CDH18: variants seen among roughly 807,000 people sequenced by gnomAD.
The protein encoded by CDH18 is cadherin-18.
CDH18 carries 31 observed loss-of-function variants against 67.9 expected under a neutral mutation model. The ratio of observed to expected loss-of-function variants is 0.46; its 90% CI spans 0.34 to 0.62. The LOEUF is 0.62. CDH18 is among the 20% of genes least tolerant of loss of function. CDH18 has a pLI of 0.01. For missense variants in CDH18, 890 were observed against 975.5 expected (o/e 0.91, Z 1.17); for synonymous variants, 362 against 347.2 (o/e 1.04, Z -0.48).
chr5:19,680,840 G>A (rs1464501632), intron 5 of CDH18, among the ~76,000 whole-genome samples: 4 of 151,834 alleles, frequency 2.6e-5, no homozygotes, highest in South Asian at 4.1e-4. Flanking sequence ...TGGCCATTGC[G>A]GAAAGCAATT....
chr5:19,966,736 A>G (rs182948126), intron 2 of CDH18, among the ~76,000 whole-genome samples: 1 of 152,166 alleles, frequency 6.6e-6, no homozygotes, highest in Admixed American at 6.5e-5. Context: ...AGAGTTATAT[A>G]TGCGTGCTTA....
intron 1 of CDH18, among the ~76,000 whole-genome samples, chr5:20,556,705 C>T (rs1757925764): frequency 6.6e-6 from 1 of 152,136 alleles, no homozygotes; most frequent in Admixed American, 6.6e-5. Flanking sequence ...CCCTTCCATC[C>T]AGCCCTTTGG....
intron 5 of CDH18, among the ~76,000 whole-genome samples, chr5:19,708,876 C>T (rs1764308072): frequency 6.6e-6 from 1 of 152,080 alleles, no homozygotes; most frequent in Non-Finnish European, 1.5e-5. Context: ...CTGTATATTT[C>T]AGTGTGTGTG....
chr5:20,505,575 A>G lies in CDH18; in HGVS notation c.-580+69887T>C, dbSNP rs1001336260. The stretch of plus-strand genomic sequence containing the variant: ...CTACGTGAGCTCATGCCCACCTTCT[A>G]TGTTATATTCACAACTTATTTAAAA... On this transcript the variant is annotated intron_variant, in intron 1 of 14. Coordinates refer to the CDH18 transcript ENST00000507958. Among the ~76,000 whole-genome samples the G allele has an allele frequency of 2.0e-5, 3 of 152,278 alleles. No homozygotes were observed. In the East Asian group the frequency reaches 5.8e-4, roughly 29 times the overall value.
chr5:19,666,237 T>TTTTTTATTA (rs760209482), intron 5 of CDH18, among the ~76,000 whole-genome samples: 63 of 128,148 alleles, frequency 4.9e-4, no homozygotes, highest in Non-Finnish European at 5.6e-4. Flanking sequence ...CTGTATGATT[T>TTTTTTATTA]TTATTATTAT....
intron 4 of CDH18, among the ~76,000 whole-genome samples, chr5:19,742,083 T>C (rs1203577114): frequency 6.6e-6 from 1 of 152,176 alleles, no homozygotes; most frequent in Non-Finnish European, 1.5e-5. Context: ...ACCACTTCAG[T>C]TTATTTTTGC....
At chr5:19,741,311 A>G (rs568003158) in intron 4 of CDH18, among the ~76,000 whole-genome samples, 15 of 126,492 alleles carry the variant, frequency 1.2e-4, no homozygotes, top group African/African-American at 4.2e-4. Flanking sequence ...GTACATATAT[A>G]CATGTGTATA....
chr5:19,562,676 A>G (rs1174762980), intron 8 of CDH18, among the ~76,000 whole-genome samples: 1 of 152,194 alleles, frequency 6.6e-6, no homozygotes, highest in African/African-American at 2.4e-5. Context: ...TTTATTTTAT[A>G]GGTAGTGCCA....
At chr5:19,486,300 A>C (rs996508954) in intron 11 of CDH18, among the ~76,000 whole-genome samples, 3 of 150,594 alleles carry the variant, frequency 2.0e-5, no homozygotes, top group African/African-American at 7.3e-5. Context: ...TATTATATAG[A>C]TATGTATTAT....
chr5:19,960,444 G>A (rs1216546508), intron 2 of CDH18, among the ~76,000 whole-genome samples: 2 of 151,218 alleles, frequency 1.3e-5, no homozygotes, highest in South Asian at 2.1e-4. Flanking sequence ...CCATTAAAAC[G>A]TCTTCAGGGG....
At chr5:19,870,143 G>A (rs1442491504) in intron 2 of CDH18, among the ~76,000 whole-genome samples, 1 of 152,058 alleles carries the variant, frequency 6.6e-6, no homozygotes, top group Admixed American at 6.6e-5. Flanking sequence ...GAGATGAGTT[G>A]ATTCATAGCT....
At chr5:19,491,994 TG>T (rs1741550433) in intron 11 of CDH18, among the ~76,000 whole-genome samples, 1 of 151,962 alleles carries the variant, frequency 6.6e-6, no homozygotes, top group Admixed American at 6.6e-5. Context: ...TCTATGAGAA[TG>T]GAAAACACAT....
At chr5:20,364,434 C>A (rs904686668) in intron 1 of CDH18, among the ~76,000 whole-genome samples, 20 of 152,190 alleles carry the variant, frequency 1.3e-4, no homozygotes, top group Admixed American at 3.9e-4. Flanking sequence ...GCAAGAACCA[C>A]TGAGCACCTT....
chr5:19,646,045 C>T (rs1011005179), intron 5 of CDH18, among the ~76,000 whole-genome samples: 1 of 151,902 alleles, frequency 6.6e-6, no homozygotes, highest in Non-Finnish European at 1.5e-5. Context: ...AATGTGAGGC[C>T]ATCATGTCTC....
chr5:20,489,887 T>C (rs1753481129), intron 1 of CDH18, among the ~76,000 whole-genome samples: 1 of 151,840 alleles, frequency 6.6e-6, no homozygotes, highest in African/African-American at 2.4e-5. Flanking sequence ...AGGTTTTTAT[T>C]TTAATATTCA....
At chr5:19,651,090 A>G (rs1282609002) in intron 5 of CDH18, among the ~76,000 whole-genome samples, 2 of 151,988 alleles carry the variant, frequency 1.3e-5, no homozygotes, top group African/African-American at 4.8e-5. Context: ...ATACCTAATA[A>G]TAGTTTAGTA....
At chr5:20,503,379 C>T (rs1047490156) in intron 1 of CDH18, among the ~76,000 whole-genome samples, 2 of 151,592 alleles carry the variant, frequency 1.3e-5, no homozygotes, top group African/African-American at 4.8e-5. Context: ...AATATTTTAT[C>T]AACTATTGTG....
At chr5:19,741,066 A>AAATT (rs70950094) in intron 4 of CDH18, among the ~76,000 whole-genome samples, 145,530 of 151,216 alleles carry the variant, frequency 0.96, 70,269 homozygotes, top group Middle Eastern at 1. Flanking sequence ...TTTACTGTTG[A>AAATT]AATTATTTAG....
At chr5:20,266,066 G>A (rs1389921581) in intron 1 of CDH18, among the ~76,000 whole-genome samples, 1 of 152,062 alleles carries the variant, frequency 6.6e-6, no homozygotes, top group African/African-American at 2.4e-5. Context: ...CTTTGACATG[G>A]GCTGTGACTT....
Sources: gnomAD v4.1 joint callset for allele counts (sites outside exome capture counted in the v4.1 genomes callset) on GRCh38, gnomAD v4.1.1 for gene constraint, MANE v1.5 for transcripts, NCBI Gene and HGNC (gene_info 2026-07-23, HGNC 2026-07-21) for gene names.